PTPRT: variants seen among roughly 807,000 people sequenced by gnomAD.
PTPRT encodes the protein protein tyrosine phosphatase receptor type T.
A neutral mutation model predicts 176.8 loss-of-function variants in PTPRT; 56 were observed. That is an observed-to-expected ratio of 0.32 (90% CI 0.26 to 0.40). The LOEUF (loss-of-function observed/expected upper bound fraction) is 0.40. Ranked by LOEUF, PTPRT falls within the 10% of genes least tolerant of loss-of-function variation. The pLI is 1.00. For synonymous variants in PTPRT, 783 were observed against 739.0 expected, an observed-to-expected ratio of 1.06 and a Z score of -0.96; for missense variants, 1,540 against 1,908.2, an observed-to-expected ratio of 0.81 and a Z score of 3.60.
chr20:42,798,647 A>AG (rs2077486360), intron 2 of PTPRT, among the ~76,000 whole-genome samples: 1 of 152,166 alleles, frequency 6.6e-6, no homozygotes, highest in Non-Finnish European at 1.5e-5. Context: ...TAAAACAAAA[A>AG]AAAGATACAT....
At chr20:43,113,308 C>G (rs1044888177) in intron 1 of PTPRT, among the ~76,000 whole-genome samples, 1 of 152,228 alleles carries the variant, frequency 6.6e-6, no homozygotes, top group Non-Finnish European at 1.5e-5. Context: ...ACTCTACACT[C>G]ATACAAAGCT....
chr20:42,096,476 G>A (rs369297054), intron 27 of PTPRT, among the ~76,000 whole-genome samples: 3 of 152,214 alleles, frequency 2.0e-5, no homozygotes, highest in Admixed American at 6.5e-5. Context: ...GTTGGCACAC[G>A]CCTGTAATCC....
At chr20:42,583,750 GA>G (rs1318835669) in intron 7 of PTPRT, among the ~76,000 whole-genome samples, 1 of 152,118 alleles carries the variant, frequency 6.6e-6, no homozygotes, top group Non-Finnish European at 1.5e-5. Flanking sequence ...TCTATTATGT[GA>G]ATGTAAACCT....
chr20:43,086,214 C>T (rs552364383), intron 1 of PTPRT, among the ~76,000 whole-genome samples: 2 of 152,236 alleles, frequency 1.3e-5, no homozygotes, highest in South Asian at 4.1e-4. Context: ...CCAACCAACC[C>T]GCTGTGAATA....
At chr20:42,970,965 A>C (rs529350963) in intron 1 of PTPRT, 1 of 152,342 alleles carries the variant, frequency 6.6e-6, no homozygotes, top group South Asian at 2.1e-4. Context: ...TCACACTTTC[A>C]TGTTCATGGG....
At chr20:43,057,285 A>C (rs1367595695) in intron 1 of PTPRT, among the ~76,000 whole-genome samples, 1 of 78,324 alleles carries the variant, frequency 1.3e-5, no homozygotes, top group Non-Finnish European at 2.4e-5. Flanking sequence ...AAGGGGGGGA[A>C]GGGGAGGGGA....
At chr20:42,338,598 T>C (rs1425140443) in intron 11 of PTPRT, among the ~76,000 whole-genome samples, 1 of 152,174 alleles carries the variant, frequency 6.6e-6, no homozygotes, top group Non-Finnish European at 1.5e-5. Flanking sequence ...TGGCTTTGAA[T>C]TGAAGAAATT....
chr20:43,055,599 C>G (rs776749704), intron 1 of PTPRT, among the ~76,000 whole-genome samples: 4 of 152,198 alleles, frequency 2.6e-5, no homozygotes, highest in Non-Finnish European at 5.9e-5. Context: ...AGTGGAAGCA[C>G]AAAGAATAGA....
chr20:42,907,079 GA>G (rs750121488), intron 1 of PTPRT, among the ~76,000 whole-genome samples: 2 of 151,784 alleles, frequency 1.3e-5, no homozygotes, highest in Non-Finnish European at 1.5e-5. Context: ...ACAGTGAGGG[GA>G]AAAAATAAGA....
chr20:42,315,759 G>A lies in PTPRT; in HGVS notation c.2103C>T (p.Tyr701=). 6.2e-7 allele frequency: 1 copy of A among 1,614,140 alleles called. No homozygotes were observed. Among genetic ancestry groups the A allele is most frequent in the Non-Finnish European group, 8.5e-7 (1 of 1,179,992 alleles). Residue 701 remains tyrosine, a synonymous_variant, in exon 12 of 31, where the codon TAC becomes TAT. Transcript: ENST00000373187. ...WNPPLSPLKS[Y]SIYFQALSKA... is the part of the protein sequence containing the mutation. ...TGCTGAGTGCCTGGAAGTAGATGCTGTAGCTTTTCAGGGGAGAGAGAGGAG... is the reference window on the plus strand; with the variant it reads ...TGCTGAGTGCCTGGAAGTAGATGCTATAGCTTTTCAGGGGAGAGAGAGGAG...
intron 1 of PTPRT, among the ~76,000 whole-genome samples, chr20:42,905,411 G>C (rs2079462036): frequency 1.3e-5 from 2 of 152,164 alleles, no homozygotes; most frequent in South Asian, 4.1e-4. Context: ...AAAAAGTCGG[G>C]AAACAACAGA....
At chr20:42,570,963 G>A (rs2073143520) in intron 7 of PTPRT, among the ~76,000 whole-genome samples, 1 of 151,314 alleles carries the variant, frequency 6.6e-6, no homozygotes, top group Non-Finnish European at 1.5e-5. Context: ...GGGGGTGGGG[G>A]TGGGTTATTC....
chr20:42,284,388 A>T (rs565356663), intron 12 of PTPRT, among the ~76,000 whole-genome samples: 1 of 152,152 alleles, frequency 6.6e-6, no homozygotes, highest in Non-Finnish European at 1.5e-5. Context: ...ATTTACCACT[A>T]CAATTTCCAT....
chr20:42,641,232 CA>C (rs2074741513), intron 7 of PTPRT, among the ~76,000 whole-genome samples: 1 of 152,178 alleles, frequency 6.6e-6, no homozygotes, highest in South Asian at 2.1e-4. Flanking sequence ...ACCTTTCATA[CA>C]CATTTCCTAT....
chr20:42,963,301 G>A (rs1219550579), intron 1 of PTPRT, among the ~76,000 whole-genome samples: 5 of 151,634 alleles, frequency 3.3e-5, no homozygotes, highest in Admixed American at 6.6e-5. Context: ...CAGGATAATC[G>A]CTTGAACCCA....
chr20:42,982,801 C>T (rs879881451), intron 1 of PTPRT, among the ~76,000 whole-genome samples: 3 of 152,214 alleles, frequency 2.0e-5, no homozygotes, highest in African/African-American at 4.8e-5. Context: ...GGTGCCATTG[C>T]TGCTCTTATG....
chr20:42,580,384 C>G (rs866068229), intron 7 of PTPRT, among the ~76,000 whole-genome samples: 2 of 151,934 alleles, frequency 1.3e-5, no homozygotes, highest in East Asian at 1.9e-4. Context: ...CTTGGTGATG[C>G]GGGCTCTTTT....
intron 1 of PTPRT, among the ~76,000 whole-genome samples, chr20:42,918,013 T>C (rs1280774486): frequency 6.6e-6 from 1 of 152,184 alleles, no homozygotes. Flanking sequence ...TCTCTGATCC[T>C]GCAACACTTT....
At chr20:42,675,176 A>C (rs2075479982) in intron 7 of PTPRT, among the ~76,000 whole-genome samples, 1 of 152,130 alleles carries the variant, frequency 6.6e-6, no homozygotes, top group South Asian at 2.1e-4. Flanking sequence ...CAAGTCACTC[A>C]CAGGCTGCAA....
Sources: gnomAD v4.1 joint callset for allele counts (sites outside exome capture counted in the v4.1 genomes callset) on GRCh38, gnomAD v4.1.1 for gene constraint, MANE v1.5 for transcripts, NCBI Gene and HGNC (gene_info 2026-07-23, HGNC 2026-07-21) for gene names.